The following KAT6A variants were observed in gnomAD, a reference collection of about 807,000 sequenced individuals.
KAT6A encodes the protein histone acetyltransferase KAT6A.
KAT6A carries 9 observed loss-of-function variants against 198.4 expected under a neutral mutation model. The ratio of observed to expected loss-of-function variants is 0.05; its 90% CI spans 0.03 to 0.08. KAT6A has a LOEUF of 0.08. Ranked by LOEUF, KAT6A falls within the 10% of genes least tolerant of loss-of-function variation. The pLI is 1.00. For missense variants in KAT6A, 2,077 were observed against 2,509.9 expected (o/e 0.83, Z 3.69); for synonymous variants, 890 against 883.0 (o/e 1.01, Z -0.14).
At chr8:41,957,224 C>A in intron 8 of KAT6A, 1 of 577,014 alleles carries the variant, frequency 1.7e-6, no homozygotes, top group Non-Finnish European at 3.5e-6. Flanking sequence ...CTGCCCACAC[C>A]CGCCTTTAAC....
At position 41,931,317 on chromosome 8, in the gene KAT6A, G is replaced by A. The variant is rs541300720; in HGVS notation, c.*888C>T. 9 of 218,508 alleles carry A rather than the reference G, an allele frequency of 4.1e-5. No homozygotes were observed. Among genetic ancestry groups the A allele is most frequent in the Non-Finnish European group, 7.4e-5 (8 of 108,636 alleles). 13.5% of individuals were successfully genotyped at this position (218,508 alleles called of 1,614,324 possible). On this transcript the variant is annotated 3_prime_UTR_variant, in exon 17 of 17. Transcript: ENST00000265713. ...TTCACCAGGTGGTAAAAAAACAAGA[G>A]GTTAATCTCCTCTTTTTGATTGTTA...
At chr8:42,012,646 G>A (rs186194387) in intron 2 of KAT6A, among the ~76,000 whole-genome samples, 25 of 152,284 alleles carry the variant, frequency 1.6e-4, no homozygotes, top group Admixed American at 6.5e-5. Flanking sequence ...TCAGACTTCC[G>A]ACCCTCAGGA....
intron 2 of KAT6A, among the ~76,000 whole-genome samples, chr8:41,996,621 G>C (rs1160449551): frequency 6.6e-6 from 1 of 152,082 alleles, no homozygotes; most frequent in Non-Finnish European, 1.5e-5. Flanking sequence ...CAGGGGAGTG[G>C]GCTAGTTATC....
At chr8:42,007,189 T>C (rs1008592668) in intron 2 of KAT6A, among the ~76,000 whole-genome samples, 2 of 152,174 alleles carry the variant, frequency 1.3e-5, no homozygotes, top group African/African-American at 2.4e-5. Context: ...ACACAGTTTA[T>C]ATAGACAATA....
At chr8:41,970,718 C>T (rs1823748847) in intron 8 of KAT6A, among the ~76,000 whole-genome samples, 1 of 152,220 alleles carries the variant, frequency 6.6e-6, no homozygotes, top group Non-Finnish European at 1.5e-5. Context: ...CATCCCATTA[C>T]TGGGTGTATA....
chr8:41,954,239 C>T (rs1822817504), intron 9 of KAT6A, among the ~76,000 whole-genome samples: 1 of 152,194 alleles, frequency 6.6e-6, no homozygotes, highest in East Asian at 1.9e-4. Flanking sequence ...ATAAGTTTTA[C>T]TGGATGGCCC....
chr8:41,987,687 A>G, intron 2 of KAT6A, 124 bp from the exon 3 acceptor site: 1 of 672,770 alleles, frequency 1.5e-6, no homozygotes, highest in Non-Finnish European at 2.6e-6. Flanking sequence ...TTACTCTCCT[A>G]AATTCCAGCT....
chr8:41,930,138 A>T lies in KAT6A; in HGVS notation c.*2067T>A. 4.3e-6 allele frequency: 1 copy of T among 232,346 alleles called. No homozygotes were observed. The highest frequency in any genetic ancestry group is 1.8e-4 in the South Asian group (1 of 5,496). The allele number at this position is 232,346 out of a possible 1,614,324, so 14.4% of individuals were successfully genotyped here. ...CCGATTGAATTTTTTATAAAGAAAC[A>T]AACAAAACCAAACACAACCGCAAAC... On this transcript the variant is annotated 3_prime_UTR_variant, in exon 17 of 17. Coordinates refer to ENST00000265713, the MANE Select transcript of KAT6A (RefSeq NM_006766.5).
At chr8:42,003,048 A>G (rs1049959807) in intron 2 of KAT6A, among the ~76,000 whole-genome samples, 4 of 152,138 alleles carry the variant, frequency 2.6e-5, no homozygotes, top group Non-Finnish European at 5.9e-5. Flanking sequence ...TGGGGCTCAG[A>G]TTCTGCACAC....
rs541029731 is a variant in KAT6A, at chr8:41,942,739, G to T, written c.2436+54C>A. Reference sequence around the variant, plus strand: ...ATAATACATTATTATAAATACTCATGAAATCAAAAATATATCTTCTGTCAT... The same window carrying T: ...ATAATACATTATTATAAATACTCATTAAATCAAAAATATATCTTCTGTCAT... On this transcript the variant is annotated intron_variant, in intron 14 of 16. Transcript: ENST00000265713. 33 of 1,572,642 alleles carry T rather than the reference G, an allele frequency of 2.1e-5. No individual in the cohort carries two copies. In the African/African-American group the frequency reaches 4.1e-4, roughly 19 times the overall value.
chr8:41,934,263 C>T lies in KAT6A; in HGVS notation c.3957G>A (p.Glu1319=), dbSNP rs1365413690. ...AQNDDHDADD[E]DDGHLESTKK... is the part of the protein sequence containing the mutation. ...TTGTGGACTCCAGGTGGCCATCATC[C>T]TCATCATCAGCGTCGTGGTCGTCAT... Residue 1319 remains glutamate, a synonymous_variant, in exon 17 of 17, where the codon GAG becomes GAA. Coordinates refer to ENST00000265713, the MANE Select transcript of KAT6A (RefSeq NM_006766.5). 1 of 1,614,152 alleles carries T rather than the reference C, an allele frequency of 6.2e-7. No individual in the cohort carries two copies. The highest frequency in any genetic ancestry group is 8.5e-7 in the Non-Finnish European group (1 of 1,180,042).
intron 2 of KAT6A, among the ~76,000 whole-genome samples, chr8:42,007,053 T>C (rs1825785488): frequency 6.6e-6 from 1 of 151,280 alleles, no homozygotes; most frequent in Non-Finnish European, 1.5e-5. Flanking sequence ...CAAAAATGCC[T>C]TTTTCATAAT....
intron 16 of KAT6A, among the ~76,000 whole-genome samples, chr8:41,935,746 A>C (rs1405221195): frequency 2.0e-5 from 3 of 152,238 alleles, no homozygotes; most frequent in Non-Finnish European, 4.4e-5. Flanking sequence ...GTAACTTGAA[A>C]GTCAACAAAG....
intron 2 of KAT6A, 117 bp downstream of exon 2, chr8:42,048,261 G>T: frequency 9.7e-7 from 1 of 1,026,220 alleles, no homozygotes; most frequent in South Asian, 1.6e-5. Context: ...AAAACCAGAG[G>T]TGATCACTCC....
intron 7 of KAT6A, among the ~76,000 whole-genome samples, chr8:41,975,857 G>A (rs534847797): frequency 4.6e-5 from 7 of 152,088 alleles, no homozygotes; most frequent in East Asian, 1.9e-4. Flanking sequence ...CTAATAAACC[G>A]TCTCCAGTAC....
At chr8:42,042,443 CAA>C (rs113300128) in intron 2 of KAT6A, among the ~76,000 whole-genome samples, 18 of 115,666 alleles carry the variant, frequency 1.6e-4, no homozygotes, top group East Asian at 2.6e-4. Flanking sequence ...CTCCATCTCT[CAA>C]AAAAAAAAAA....
At chr8:41,994,669 T>C (rs1372846804) in intron 2 of KAT6A, among the ~76,000 whole-genome samples, 2 of 152,142 alleles carry the variant, frequency 1.3e-5, no homozygotes, top group East Asian at 3.8e-4. Flanking sequence ...TTAACATGTG[T>C]GTATGTATAT....
At chr8:41,954,101 T>C (rs1822802843) in intron 9 of KAT6A, among the ~76,000 whole-genome samples, 1 of 152,164 alleles carries the variant, frequency 6.6e-6, no homozygotes, top group Non-Finnish European at 1.5e-5. Context: ...GTTTTGCTTT[T>C]TCTTCTGTTT....
chr8:41,929,636 C>T lies in KAT6A; in HGVS notation c.*2569G>A, dbSNP rs577228426. ...GTGACATGGAGAGATACAAAGGCAT[C>T]TAGGCACCCCTTCCCCTTAGCTTAC... On this transcript the variant is annotated 3_prime_UTR_variant, in exon 17 of 17. Transcript: ENST00000265713. 5.2e-6 allele frequency: 1 copy of T among 194,022 alleles called. No homozygotes were observed. Among genetic ancestry groups the T allele is most frequent in the East Asian group, 8.1e-5 (1 of 12,394 alleles). 12.0% of individuals were successfully genotyped at this position (194,022 alleles called of 1,614,324 possible). A position where few individuals can be genotyped will look rare whatever the true frequency, so the allele number is the denominator to read the frequency against.
Sources: allele counts gnomAD v4.1 joint callset (sites outside exome capture counted in the v4.1 genomes callset), GRCh38; gene constraint gnomAD v4.1.1; transcripts MANE v1.5; gene names NCBI Gene and HGNC (gene_info 2026-07-23, HGNC 2026-07-21).